Variants in PPFIA2 observed in about 807,000 individuals in gnomAD.
PPFIA2 encodes the protein liprin-alpha-2.
PPFIA2 carries 46 observed loss-of-function variants against 175.5 expected under a neutral mutation model. That is an observed-to-expected ratio of 0.26 (90% CI 0.21 to 0.34). PPFIA2 has a LOEUF of 0.34. Ranked by LOEUF, PPFIA2 falls within the 10% of genes least tolerant of loss-of-function variation. PPFIA2 has a pLI of 1.00. For synonymous variants in PPFIA2, 568 were observed against 511.4 expected (o/e 1.11, Z -1.49); for missense variants, 1,179 against 1,506.1 (o/e 0.78, Z 3.60).
intron 3 of PPFIA2, among the ~76,000 whole-genome samples, chr12:81,717,519 T>G (rs960272254): frequency 6.6e-6 from 1 of 151,680 alleles, no homozygotes; most frequent in African/African-American, 2.4e-5. Context: ...GTGTACTTAT[T>G]TTCCTTTGTT....
At chr12:81,521,454 T>C (rs1412757640) in intron 4 of PPFIA2, among the ~76,000 whole-genome samples, 1 of 152,188 alleles carries the variant, frequency 6.6e-6, no homozygotes, top group Non-Finnish European at 1.5e-5. Context: ...AGTGTACATA[T>C]GCAGTAAGTG....
intron 4 of PPFIA2, among the ~76,000 whole-genome samples, chr12:81,584,481 A>G (rs1418573253): frequency 6.6e-6 from 1 of 151,794 alleles, no homozygotes; most frequent in African/African-American, 2.4e-5. Flanking sequence ...CAAAGAAGAC[A>G]GAAGTACAGG....
At chr12:81,688,999 T>A (rs2074870141) in intron 3 of PPFIA2, among the ~76,000 whole-genome samples, 1 of 151,592 alleles carries the variant, frequency 6.6e-6, no homozygotes, top group African/African-American at 2.4e-5. Context: ...AGTTCACACT[T>A]CTAGAAAAAA....
intron 4 of PPFIA2, among the ~76,000 whole-genome samples, chr12:81,559,903 T>A (rs2069657008): frequency 6.6e-6 from 1 of 152,006 alleles, no homozygotes; most frequent in Non-Finnish European, 1.5e-5. Flanking sequence ...ACATCCTATC[T>A]CAGTGGACTC....
chr12:81,660,884 G>A (rs899384630), intron 4 of PPFIA2, among the ~76,000 whole-genome samples: 8 of 152,138 alleles, frequency 5.3e-5, no homozygotes, highest in Admixed American at 3.3e-4. Flanking sequence ...GAGAGTGGGG[G>A]CCAATATTCA....
At chr12:81,645,747 G>C (rs1387523978) in intron 4 of PPFIA2, among the ~76,000 whole-genome samples, 1 of 152,242 alleles carries the variant, frequency 6.6e-6, no homozygotes, top group Non-Finnish European at 1.5e-5. Context: ...GGGTAGTAGG[G>C]AGGCAAGTAA....
intron 3 of PPFIA2, among the ~76,000 whole-genome samples, chr12:81,730,793 T>A (rs1198176400): frequency 1.3e-4 from 19 of 151,534 alleles, no homozygotes; most frequent in African/African-American, 4.6e-4. Flanking sequence ...CATGTTCCAA[T>A]TAAATGTTAT....
intron 20 of PPFIA2, 142 bp downstream of exon 20, chr12:81,340,936 C>T: frequency 1.1e-6 from 1 of 909,732 alleles, no homozygotes; most frequent in Admixed American, 3.5e-5. Flanking sequence ...GGTTATTTCA[C>T]AAGTGATACT....
intron 4 of PPFIA2, among the ~76,000 whole-genome samples, chr12:81,509,041 A>G (rs544026823): frequency 1.3e-5 from 2 of 152,130 alleles, no homozygotes; most frequent in Non-Finnish European, 2.9e-5. Context: ...TGATGAGTTC[A>G]TGTCCTTTGT....
chr12:81,691,080 TA>T, intron 3 of PPFIA2, among the ~76,000 whole-genome samples: 1 of 152,094 alleles, frequency 6.6e-6, no homozygotes, highest in Non-Finnish European at 1.5e-5. Flanking sequence ...TGTCCTGGGA[TA>T]TAAGATGCAG....
intron 4 of PPFIA2, chr12:81,512,479 TA>T (rs2061921236): frequency 5.0e-6 from 2 of 397,292 alleles, no homozygotes; most frequent in Non-Finnish European, 7.8e-6. Flanking sequence ...CATTAGTTTT[TA>T]TTGCACTTAA....
At chr12:81,268,363 C>T (rs967722549) in intron 28 of PPFIA2, among the ~76,000 whole-genome samples, 2 of 151,712 alleles carry the variant, frequency 1.3e-5, no homozygotes, top group African/African-American at 4.8e-5. Flanking sequence ...TGGTCTCGAT[C>T]TCCTGACCTC....
In PPFIA2 at chr12:81,454,150, C is replaced by T. The variant is rs193129661; in HGVS notation, c.405+3615G>A. On this transcript the variant is annotated intron_variant, in intron 5 of 32. Transcript: ENST00000549396. ...GGGAAGATCACCTGAGTCCAGGGAA[C>T]TCTAGGCTGCAGTGAACCATGATTG... Among the ~76,000 whole-genome samples, 214 of 152,212 alleles carry T rather than the reference C, an allele frequency of 1.4e-3. 1 individual carries two copies. Among genetic ancestry groups the T allele is most frequent in the African/African-American group, 4.8e-3 (201 of 41,556 alleles).
chr12:81,575,897 T>A (rs1056415606), intron 4 of PPFIA2, among the ~76,000 whole-genome samples: 1 of 151,812 alleles, frequency 6.6e-6, no homozygotes, highest in Admixed American at 6.6e-5. Flanking sequence ...ATACTCCTTC[T>A]CTTTTGTTTC....
chr12:81,641,941 T>C (rs537264963), intron 4 of PPFIA2, among the ~76,000 whole-genome samples: 21 of 152,312 alleles, frequency 1.4e-4, no homozygotes, highest in African/African-American at 4.8e-4. Flanking sequence ...TGTACTTGCA[T>C]ACTATATTTT....
intron 4 of PPFIA2, among the ~76,000 whole-genome samples, chr12:81,498,671 C>T (rs2060274232): frequency 6.6e-6 from 1 of 152,080 alleles, no homozygotes; most frequent in Admixed American, 6.6e-5. Context: ...GTCACCCAGG[C>T]TTGAGTGCAG....
chr12:81,329,527 A>T (rs953036267), intron 21 of PPFIA2, among the ~76,000 whole-genome samples: 2 of 152,208 alleles, frequency 1.3e-5, no homozygotes, highest in African/African-American at 4.8e-5. Context: ...ACCACCAAAA[A>T]ATCAGTGGGA....
At position 81,325,877 on chromosome 12, in the gene PPFIA2, A is replaced by G. The variant is rs372561976; in HGVS notation, c.2549-7T>C. ...TCAGTCTCCATAAAGCCTCCTGTGA[A>G]GAGAAGTAACTAAGTATTCAGATTA... On this transcript the variant is annotated splice_region_variant and splice_polypyrimidine_tract_variant and intron_variant, in intron 21 of 32. Coordinates refer to ENST00000549396, the MANE Select transcript of PPFIA2 (RefSeq NM_003625.5). 1 of 1,597,598 alleles carries G rather than the reference A, an allele frequency of 6.3e-7. No homozygotes were observed. Among genetic ancestry groups the G allele is most frequent in the Non-Finnish European group, 8.6e-7 (1 of 1,165,756 alleles).
chr12:81,693,025 A>G (rs1386228711), intron 3 of PPFIA2, among the ~76,000 whole-genome samples: 1 of 152,142 alleles, frequency 6.6e-6, no homozygotes, highest in Non-Finnish European at 1.5e-5. Context: ...GATGATTTAT[A>G]CTTTTTTAAA....
Sources: gnomAD v4.1 joint callset for allele counts (sites outside exome capture counted in the v4.1 genomes callset) on GRCh38, gnomAD v4.1.1 for gene constraint, MANE v1.5 for transcripts, NCBI Gene and HGNC (gene_info 2026-07-23, HGNC 2026-07-21) for gene names.